The following ZNF362 variants were observed in gnomAD, a reference collection of about 807,000 sequenced individuals.
The protein encoded by ZNF362 is zinc finger protein 362, also known as rotund homolog.
ZNF362 carries 11 observed loss-of-function variants against 42.9 expected under a neutral mutation model. That is an observed-to-expected ratio of 0.26 (90% CI 0.16 to 0.42). The LOEUF is 0.42. Ranked by LOEUF, ZNF362 falls within the 20% of genes least tolerant of loss-of-function variation. The probability of loss-of-function intolerance (pLI) is 1.00; values close to 1 mark genes in which losing one functional copy is unlikely to be tolerated. For synonymous variants in ZNF362, 255 were observed against 257.3 expected, an observed-to-expected ratio of 0.99 and a Z score of 0.09; for missense variants, 362 against 576.2, an observed-to-expected ratio of 0.63 and a Z score of 3.81.
chr1:33,249,903 G>A, the ZNF362 span, among the ~76,000 whole-genome samples: 1 of 152,162 alleles, frequency 6.6e-6, no homozygotes, highest in Admixed American at 6.5e-5. Flanking sequence ...GCAGAGACAG[G>A]AAGAAACTTG....
At chr1:33,236,981 G>T in the ZNF362 span, among the ~76,000 whole-genome samples, 2 of 152,032 alleles carry the variant, frequency 1.3e-5, no homozygotes, top group Non-Finnish European at 2.9e-5. Flanking sequence ...TGAGGCAGGA[G>T]AATCATTTGA....
the ZNF362 span, chr1:33,181,458 G>A: frequency 2.6e-6 from 4 of 1,566,570 alleles, no homozygotes; most frequent in Admixed American, 3.8e-5. The surrounding 1 kb of genome is among the most constrained non-coding windows in gnomAD (Gnocchi z 6.5). Flanking sequence ...AGAGAGGGGG[G>A]CCCGAGGGGC....
chr1:33,227,640 C>T, the ZNF362 span, among the ~76,000 whole-genome samples: 1 of 152,150 alleles, frequency 6.6e-6, no homozygotes, highest in East Asian at 1.9e-4. Flanking sequence ...TGTCCAAATT[C>T]CTGACTGCCA....
chr1:33,177,313 A>G, the ZNF362 span, among the ~76,000 whole-genome samples: 1,591 of 152,300 alleles, frequency 0.01, 28 homozygotes, highest in African/African-American at 0.034. This position sits in a 1 kb window ranked among gnomAD's most constrained non-coding sequence, Gnocchi z 4.1. Context: ...GGTGCCTACT[A>G]TGCCAGGCAC....
At chr1:33,219,192 A>ACCTGGGTG in the ZNF362 span, among the ~76,000 whole-genome samples, 1 of 152,108 alleles carries the variant, frequency 6.6e-6, no homozygotes, top group Non-Finnish European at 1.5e-5. Context: ...TGTGACATTC[A>ACCTGGGTG]TGACCTCTGT....
intron 1 of ZNF362, among the ~76,000 whole-genome samples, chr1:33,263,643 T>G (rs544733855): frequency 1.3e-5 from 2 of 152,272 alleles, no homozygotes; most frequent in South Asian, 4.1e-4. Flanking sequence ...ACTCCTGACC[T>G]CAGGTGATCC....
intron 1 of ZNF362, among the ~76,000 whole-genome samples, chr1:33,260,458 G>A (rs1034998857): frequency 6.6e-6 from 1 of 152,160 alleles, no homozygotes; most frequent in African/African-American, 2.4e-5. Context: ...TGTTTCACAG[G>A]TTTCTACTTG....
rs1020363528 is a variant in ZNF362, at chr1:33,295,370, T to C, written c.1146+65T>C. 2.6e-6 allele frequency: 4 copies of C among 1,564,644 alleles called. No individual in the cohort carries two copies. The African/African-American group carries it at 4.1e-5, about 16-fold the overall frequency. On this transcript the variant is annotated intron_variant, in intron 8 of 8. Coordinates refer to ENST00000539719, the MANE Select transcript of ZNF362 (RefSeq NM_152493.3). ...ACTTCGTCTTCCAGGCCTCAGTTGC[T>C]TCCCCATTGTCAGATCTGTGTCGAC...
At chr1:33,144,822 A>G in the ZNF362 span, among the ~76,000 whole-genome samples, 137 of 152,196 alleles carry the variant, frequency 9.0e-4, no homozygotes, top group Admixed American at 3.0e-3. Flanking sequence ...AGAAAGACAG[A>G]CTTCTTGGGT....
rs1646148948 is a variant in ZNF362 at position 33,299,343 on chromosome 1, T to G, written c.*297T>G. Reference sequence around the variant, plus strand: ...CTTCACTTGCTTCACTGTTTTTTTTTTTTTCGTTTTTTTTTTTTAAGTTTG... The same window carrying G: ...CTTCACTTGCTTCACTGTTTTTTTTGTTTTCGTTTTTTTTTTTTAAGTTTG... On this transcript the variant is annotated 3_prime_UTR_variant, in exon 9 of 9. Coordinates refer to ENST00000539719, the MANE Select transcript of ZNF362 (RefSeq NM_152493.3). 3.9e-6 allele frequency: 1 copy of G among 256,486 alleles called. No individual in the cohort carries two copies. The highest frequency in any genetic ancestry group is 6.9e-5 in the East Asian group (1 of 14,502). 15.9% of individuals were successfully genotyped at this position (256,486 alleles called of 1,614,324 possible).
At chr1:33,192,190 A>G in the ZNF362 span, among the ~76,000 whole-genome samples, 2 of 152,170 alleles carry the variant, frequency 1.3e-5, no homozygotes, top group African/African-American at 4.8e-5. Flanking sequence ...TAGCACTTCA[A>G]TGGTACTTAA....
At chr1:33,229,073 G>A in the ZNF362 span, among the ~76,000 whole-genome samples, 11 of 151,836 alleles carry the variant, frequency 7.2e-5, no homozygotes, top group Non-Finnish European at 1.3e-4. Flanking sequence ...ATTTCCTTCC[G>A]CCTCTGTTCA....
At chr1:33,165,283 G>T in the ZNF362 span, 1 of 523,982 alleles carries the variant, frequency 1.9e-6, no homozygotes. This position sits in a 1 kb window ranked among gnomAD's most constrained non-coding sequence, Gnocchi z 4.0. Flanking sequence ...GGTGGGTGCC[G>T]CCCCATTGAA....
chr1:33,213,584 C>T, the ZNF362 span, among the ~76,000 whole-genome samples: 8 of 151,990 alleles, frequency 5.3e-5, no homozygotes, highest in South Asian at 2.1e-4. Context: ...TGTTGGCTCA[C>T]GCCTGTAATC....
rs1451276116 is a variant in ZNF362, at chr1:33,295,535, C to G, written c.1146+230C>G. Among the ~76,000 whole-genome samples the G allele has an allele frequency of 2.6e-5, 4 of 152,246 alleles. No homozygotes were observed. The East Asian group carries it at 7.7e-4, about 29-fold the overall frequency. ...ACCAAGCCCCTAGCCTCCTGCTCAC[C>G]TTTAGCCTGAGTCTCCGAGGCCCTG... is the stretch of plus-strand genomic sequence containing the variant. On this transcript the variant is annotated intron_variant, in intron 8 of 8. Coordinates refer to ENST00000539719, the MANE Select transcript of ZNF362 (RefSeq NM_152493.3).
intron 6 of ZNF362, among the ~76,000 whole-genome samples, chr1:33,290,426 G>GC (rs1327779986): frequency 6.6e-6 from 1 of 151,900 alleles, no homozygotes; most frequent in Non-Finnish European, 1.5e-5. Context: ...GTATTCCATG[G>GC]TGTATATGTG....
chr1:33,280,461 G>A lies in ZNF362; in HGVS notation c.683+4G>A. On this transcript the variant is annotated splice_donor_region_variant and intron_variant, in intron 5 of 8. Transcript: ENST00000539719. The surrounding 1 kb of genome is among the most constrained non-coding windows in gnomAD (Gnocchi z 5.6). ...CCAAGGAGGGCAAGACGTACAGGTG[G>A]GGGTCTTGGCGGGATGGGGTCCGAG... 3.2e-6 allele frequency: 5 copies of A among 1,571,640 alleles called. No individual in the cohort carries two copies. Among genetic ancestry groups the A allele is most frequent in the Non-Finnish European group, 4.3e-6 (5 of 1,156,136 alleles).
At chr1:33,298,829 C>A (rs1646143567) in intron 8 of ZNF362, 101 bp from the exon 9 acceptor site, 3 of 989,122 alleles carry the variant, frequency 3.0e-6, no homozygotes, top group Admixed American at 1.8e-5. Flanking sequence ...ACCCTCTGAA[C>A]CGCCTACCAA....
At chr1:33,184,336 G>A in the ZNF362 span, among the ~76,000 whole-genome samples, 2 of 152,220 alleles carry the variant, frequency 1.3e-5, no homozygotes, top group African/African-American at 4.8e-5. Context: ...TAAAGGAGAT[G>A]TGATGGAAAT....
Sources: allele counts gnomAD v4.1 joint callset (sites outside exome capture counted in the v4.1 genomes callset), GRCh38; gene constraint gnomAD v4.1.1; non-coding constraint Gnocchi (gnomAD v3.1); transcripts MANE v1.5; gene names NCBI Gene and HGNC (gene_info 2026-07-23, HGNC 2026-07-21).